BANF1: variants seen among roughly 807,000 people sequenced by gnomAD.
The protein encoded by BANF1 is barrier to autointegration nuclear assembly factor 1, also known as barrier-to-autointegration factor.
For missense variants in BANF1, 47 were observed against 110.4 expected (o/e 0.43, Z 2.57); for synonymous variants, 49 against 43.7 (o/e 1.12, Z -0.48).
Position 66,003,634 on chromosome 11 carries a change from T to A in BANF1, c.132T>A (p.Val44=). The A allele has an allele frequency of 6.2e-7, 1 of 1,614,136 alleles. No homozygotes were observed. ...LEERGFDKAY[V]VLGQFLVLKK... ...TTTTCCCTGTTTTGCAGGCCTATGT[T>A]GTCCTTGGCCAGTTTCTGGTGCTAA... The change falls in exon 3 of 3, where the codon GTT becomes GTA. Residue 44 remains valine, a synonymous_variant. Coordinates refer to ENST00000312175, the MANE Select transcript of BANF1 (RefSeq NM_003860.4).
At chr11:66,003,213 G>T in intron 1 of BANF1, 22 bp from the exon 2 acceptor site, 1 of 1,611,638 alleles carries the variant, frequency 6.2e-7, no homozygotes, top group South Asian at 1.1e-5. Context: ...GCCCTAATCT[G>T]CCTTTTTTTT....
chr11:66,003,540 C>G (rs1370804125), intron 2 of BANF1, 86 bp from the exon 3 acceptor site: 2 of 1,611,616 alleles, frequency 1.2e-6, no homozygotes, highest in African/African-American at 2.7e-5. Context: ...GGCTTGTGTG[C>G]TCTGAATGGC....
chr11:66,003,111 A>G (rs937965941), intron 1 of BANF1, 124 bp from the exon 2 acceptor site: 1 of 983,654 alleles, frequency 1.0e-6, no homozygotes, highest in African/African-American at 1.6e-5. Flanking sequence ...TCCTTTCAGG[A>G]TGAGGGGGAT....
At chr11:66,003,120 A>C in intron 1 of BANF1, 115 bp from the exon 2 acceptor site, 1 of 1,097,036 alleles carries the variant, frequency 9.1e-7, no homozygotes, top group South Asian at 1.3e-5. Context: ...GATGAGGGGG[A>C]TCGAGCAAGC....
chr11:66,003,069 T>C, intron 1 of BANF1, 166 bp from the exon 2 acceptor site: 2 of 721,426 alleles, frequency 2.8e-6, no homozygotes, highest in Non-Finnish European at 2.4e-6. Flanking sequence ...CTCTTAAAAA[T>C]AGTAGGGAAG....
chr11:66,003,356 G>A lies in BANF1; in HGVS notation c.106G>A (p.Glu36Lys), dbSNP rs1286964261. 12 of 1,613,738 alleles carry A rather than the reference G, an allele frequency of 7.4e-6. No individual in the cohort carries two copies. The East Asian group carries it at 2.5e-4, about 33-fold the overall frequency. The change falls in exon 2 of 3, where the codon GAA (glutamate) becomes AAA (lysine). Residue 36 changes from glutamate to lysine, a missense_variant. Transcript: ENST00000312175. ...TGAAGTCCTGGGCAAGAAGCTGGAGGAAAGGGGTTTTGACAAGGTGTGGGG... is the reference window on the plus strand; with the variant it reads ...TGAAGTCCTGGGCAAGAAGCTGGAGAAAAGGGGTTTTGACAAGGTGTGGGG... ...IGEVLGKKLE[E>K]RGFDKAYVVL... is the part of the protein sequence containing the mutation.
chr11:66,004,110 G>A lies in BANF1; in HGVS notation c.*338G>A. The A allele has an allele frequency of 5.4e-6, 2 of 367,776 alleles. No individual in the cohort carries two copies. The highest frequency in any genetic ancestry group is 1.4e-4 in the East Asian group (2 of 14,548). The allele number at this position is 367,776 out of a possible 1,614,324, so 22.8% of individuals were successfully genotyped here. A position where few individuals can be genotyped will look rare whatever the true frequency, so the allele number is the denominator to read the frequency against. On this transcript the variant is annotated 3_prime_UTR_variant, in exon 3 of 3. Coordinates refer to ENST00000312175, the MANE Select transcript of BANF1 (RefSeq NM_003860.4). ...TTTTGGCAGAACAGTCACTGTCCTT[G>A]TAAAGTTTTTTAGATCAATAAAGTC...
At chr11:66,002,952 C>T (rs980874688) in intron 1 of BANF1, 1 of 428,010 alleles carries the variant, frequency 2.3e-6, no homozygotes, top group African/African-American at 2.0e-5. Flanking sequence ...GCAGCCCTGG[C>T]TACGGACTCT....
rs373827318 is a variant in BANF1 at position 66,003,275 on chromosome 11, G to A, written c.25G>A (p.Asp9Asn). ...GATGACAACCTCCCAAAAGCACCGA[G>A]ACTTCGTGGCAGAGCCCATGGGGGA... MTTSQKHR[D>N]FVAEPMGEKP... The change falls in exon 2 of 3, where the codon GAC (aspartate) becomes AAC (asparagine). Residue 9 changes from aspartate (D) to asparagine (N), a missense_variant. Physicochemically the swap from Asp to Asn is conservative, Grantham distance 23 (BLOSUM62 1). Transcript: ENST00000312175. 91 of 1,613,608 alleles carry A rather than the reference G, an allele frequency of 5.6e-5. No individual in the cohort carries two copies. Among genetic ancestry groups the A allele is most frequent in the Non-Finnish European group, 7.5e-5 (89 of 1,179,838 alleles).
At chr11:66,003,505 G>C (rs1252146232) in intron 2 of BANF1, 121 bp from the exon 3 acceptor site, 63 of 1,609,082 alleles carry the variant, frequency 3.9e-5, no homozygotes, top group Non-Finnish European at 1.7e-6. Flanking sequence ...AGAGGAGAGG[G>C]GGGCAAAACC....
At position 66,003,962 on chromosome 11, in the gene BANF1, T is replaced by A; in HGVS notation, c.*190T>A. On this transcript the variant is annotated 3_prime_UTR_variant, in exon 3 of 3. Coordinates refer to ENST00000312175, the MANE Select transcript of BANF1 (RefSeq NM_003860.4). The stretch of plus-strand genomic sequence containing the variant: ...TTTTGGATTCTCGCTCTTGCATGCC[T>A]CCCCCGTCCTTTTTCCCTTGCCAGT... 2 of 686,738 alleles carry A rather than the reference T, an allele frequency of 2.9e-6. No homozygotes were observed. The highest frequency in any genetic ancestry group is 4.8e-6 in the Non-Finnish European group (2 of 416,960). 42.5% of individuals were successfully genotyped at this position (686,738 alleles called of 1,614,324 possible).
chr11:66,003,653 G>A lies in BANF1; in HGVS notation c.151G>A (p.Val51Met). The A allele has an allele frequency of 6.2e-7, 1 of 1,614,080 alleles. No homozygotes were observed. Among genetic ancestry groups the A allele is most frequent in the Non-Finnish European group, 8.5e-7 (1 of 1,180,008 alleles). ...KAYVVLGQFL[V>M]LKKDEDLFRE... is the part of the protein sequence containing the mutation. ...CTATGTTGTCCTTGGCCAGTTTCTG[G>A]TGCTAAAGAAAGATGAAGACCTCTT... Residue 51 changes from valine to methionine, a missense_variant, in exon 3 of 3, where the codon GTG becomes ATG. Transcript: ENST00000312175.
Position 66,003,959 on chromosome 11 carries a change from G to T in BANF1, c.*187G>T. 1.4e-6 allele frequency: 1 copy of T among 716,858 alleles called. No homozygotes were observed. The highest frequency in any genetic ancestry group is 2.3e-6 in the Non-Finnish European group (1 of 437,932). The allele number at this position is 716,858 out of a possible 1,614,324, so 44.4% of individuals were successfully genotyped here. A position where few individuals can be genotyped will look rare whatever the true frequency, so the allele number is the denominator to read the frequency against. On this transcript the variant is annotated 3_prime_UTR_variant, in exon 3 of 3. Coordinates refer to ENST00000312175, the MANE Select transcript of BANF1 (RefSeq NM_003860.4). Reference sequence around the variant, plus strand: ...TTTTTTTGGATTCTCGCTCTTGCATGCCTCCCCCGTCCTTTTTCCCTTGCC... The same window carrying T: ...TTTTTTTGGATTCTCGCTCTTGCATTCCTCCCCCGTCCTTTTTCCCTTGCC...
At chr11:66,003,394 C>T (rs1398980200) in intron 2 of BANF1, 21 bp downstream of exon 2, 44 of 1,613,422 alleles carry the variant, frequency 2.7e-5, no homozygotes, top group Non-Finnish European at 3.4e-5. Flanking sequence ...GCTGCGTGTA[C>T]CTAGTGCAAG....
intron 1 of BANF1, 76 bp from the exon 2 acceptor site, chr11:66,003,159 T>A: frequency 6.5e-7 from 1 of 1,537,118 alleles, no homozygotes; most frequent in East Asian, 2.3e-5. Context: ...GGCTTCCTCT[T>A]ACTATGAGAT....
Position 66,002,998 on chromosome 11 carries a change from T to TA in BANF1, c.-16-236dup, listed in dbSNP as rs1478783282. On this transcript the variant is annotated intron_variant, in intron 1 of 2. Coordinates refer to ENST00000312175, the MANE Select transcript of BANF1 (RefSeq NM_003860.4). ...CCACTGCCCCGCTTGCGCCACCTGTTAGGCAGGATCGTTTTTCCTCTGGGG... is the reference window on the plus strand; with the variant it reads ...CCACTGCCCCGCTTGCGCCACCTGTTAAGGCAGGATCGTTTTTCCTCTGGGG... 1.6e-5 allele frequency: 8 copies of TA among 504,356 alleles called. No homozygotes were observed. The Admixed American group carries it at 2.5e-4, about 16-fold the overall frequency. 31.2% of individuals were successfully genotyped at this position (504,356 alleles called of 1,614,324 possible).
intron 2 of BANF1, 33 bp from the exon 3 acceptor site, chr11:66,003,593 G>A: frequency 6.2e-7 from 1 of 1,613,588 alleles, no homozygotes; most frequent in South Asian, 1.1e-5. Flanking sequence ...TGAGCACTGA[G>A]CAGCACGCTC....
At position 66,003,681 on chromosome 11, in the gene BANF1, G is replaced by T; in HGVS notation, c.179G>T (p.Arg60Leu). ...CTAAAGAAAGATGAAGACCTCTTCC[G>T]GGAATGGCTGAAAGACACTTGTGGC... is the stretch of plus-strand genomic sequence containing the variant. The part of the protein sequence containing the change: ...LVLKKDEDLF[R>L]EWLKDTCGAN... The change falls in exon 3 of 3, where the codon CGG (arginine) becomes CTG (leucine). Residue 60 changes from arginine to leucine, a missense_variant. Coordinates refer to ENST00000312175, the MANE Select transcript of BANF1 (RefSeq NM_003860.4). The T allele has an allele frequency of 6.2e-7, 1 of 1,614,028 alleles. No homozygotes were observed. The highest frequency in any genetic ancestry group is 1.1e-5 in the South Asian group (1 of 91,068).
At chr11:66,003,154 C>T (rs528136054) in intron 1 of BANF1, 81 bp from the exon 2 acceptor site, 154 of 1,516,096 alleles carry the variant, frequency 1.0e-4, no homozygotes, top group Non-Finnish European at 1.3e-4. Context: ...GGCTTGGCTT[C>T]CTCTTACTAT....
Sources: gnomAD v4.1 joint callset for allele counts on GRCh38, gnomAD v4.1.1 for gene constraint, MANE v1.5 for transcripts, NCBI Gene and HGNC (gene_info 2026-07-23, HGNC 2026-07-21) for gene names.